CCDC102B: variants seen among roughly 807,000 people sequenced by gnomAD.
The protein encoded by CCDC102B is coiled-coil domain-containing protein 102B.
CCDC102B carries 75 observed loss-of-function variants against 57.4 expected under a neutral mutation model. The ratio of observed to expected loss-of-function variants is 1.31; its 90% CI spans 1.08 to 1.58. The LOEUF is 1.58. CCDC102B is among the 40% of genes most tolerant of loss of function. CCDC102B has a pLI of 0.00. For synonymous variants in CCDC102B, 206 were observed against 201.9 expected, an observed-to-expected ratio of 1.02 and a Z score of -0.17; for missense variants, 636 against 582.6, an observed-to-expected ratio of 1.09 and a Z score of -0.94.
At chr18:68,748,419 GTGC>G (rs1360694866) in intron 2 of CCDC102B, among the ~76,000 whole-genome samples, 4 of 152,084 alleles carry the variant, frequency 2.6e-5, no homozygotes, top group African/African-American at 4.8e-5. Context: ...AACAGGATGA[GTGC>G]TAGGCATCCA....
chr18:68,748,208 G>GTT (rs1568230288), intron 2 of CCDC102B, among the ~76,000 whole-genome samples: 69 of 16,728 alleles, frequency 4.1e-3, no homozygotes, highest in East Asian at 0.014. Context: ...TTAAACTGGT[G>GTT]TGTGTGTGTG....
chr18:68,913,199 A>G (rs1026838068), intron 6 of CCDC102B, among the ~76,000 whole-genome samples: 10 of 152,144 alleles, frequency 6.6e-5, no homozygotes, highest in Admixed American at 2.6e-4. Context: ...AATTCTCTCT[A>G]AATTACAGAA....
chr18:68,930,928 C>A (rs899980600), intron 6 of CCDC102B, among the ~76,000 whole-genome samples: 2 of 150,432 alleles, frequency 1.3e-5, no homozygotes, highest in Non-Finnish European at 3.0e-5. Context: ...TTTTTTTTTT[C>A]AAATGAGCAC....
chr18:68,889,445 G>A (rs1342919703), intron 5 of CCDC102B, among the ~76,000 whole-genome samples: 1 of 152,140 alleles, frequency 6.6e-6, no homozygotes, highest in Non-Finnish European at 1.5e-5. Context: ...TTGAGATGGA[G>A]TTTCGCTCTT....
chr18:68,828,319 T>TAAAAA (rs2036991132), intron 1 of CCDC102B, among the ~76,000 whole-genome samples: 1 of 35,940 alleles, frequency 2.8e-5, no homozygotes, highest in Non-Finnish European at 6.4e-5. Context: ...CATACCCTAT[T>TAAAAA]TACAAAAAAA....
intron 7 of CCDC102B, among the ~76,000 whole-genome samples, chr18:69,041,372 G>A (rs1034002710): frequency 2.0e-5 from 3 of 151,880 alleles, no homozygotes; most frequent in African/African-American, 7.3e-5. Context: ...TTGCACTTAT[G>A]GTTAACATGA....
intron 4 of CCDC102B, among the ~76,000 whole-genome samples, chr18:68,869,356 C>T (rs542322516): frequency 6.6e-6 from 1 of 152,156 alleles, no homozygotes; most frequent in African/African-American, 2.4e-5. Flanking sequence ...TTGCATAAGC[C>T]CAAGGAAGAG....
chr18:69,044,740 G>C (rs2052517358), intron 7 of CCDC102B, among the ~76,000 whole-genome samples: 1 of 150,144 alleles, frequency 6.7e-6, no homozygotes, highest in South Asian at 2.1e-4. Context: ...AACAGTAACA[G>C]TTGGGAACCA....
intron 1 of CCDC102B, among the ~76,000 whole-genome samples, chr18:68,824,432 A>G (rs2036824747): frequency 6.6e-6 from 1 of 152,224 alleles, no homozygotes. Flanking sequence ...TTTTCTAAGT[A>G]TAGAATCATA....
At chr18:68,947,368 A>G (rs1372291358) in intron 6 of CCDC102B, among the ~76,000 whole-genome samples, 1 of 152,118 alleles carries the variant, frequency 6.6e-6, no homozygotes, top group Non-Finnish European at 1.5e-5. Context: ...CAATATTCCC[A>G]GTACTTACAT....
At chr18:68,826,899 T>A (rs946463133) in intron 1 of CCDC102B, among the ~76,000 whole-genome samples, 3 of 152,170 alleles carry the variant, frequency 2.0e-5, no homozygotes, top group Admixed American at 2.0e-4. Context: ...AAGATTTATA[T>A]GCCATAGTAT....
At chr18:68,827,041 GA>G (rs1370936916) in intron 1 of CCDC102B, among the ~76,000 whole-genome samples, 2 of 150,542 alleles carry the variant, frequency 1.3e-5, no homozygotes, top group African/African-American at 4.9e-5. Flanking sequence ...TTTAAGTGTT[GA>G]AAAAAAAATC....
chr18:68,853,628 C>T (rs1192073106), intron 4 of CCDC102B, among the ~76,000 whole-genome samples: 1 of 126,592 alleles, frequency 7.9e-6, no homozygotes, highest in Admixed American at 9.4e-5. Flanking sequence ...TTTCTCATTT[C>T]AAATATTTAC....
At chr18:68,810,680 G>GTTTTTTTTTTTTTTTTTTTTT (rs61714863) in intron 1 of CCDC102B, among the ~76,000 whole-genome samples, 1 of 77,042 alleles carries the variant, frequency 1.3e-5, no homozygotes, top group Non-Finnish European at 2.4e-5. Flanking sequence ...TCTTTTCTTT[G>GTTTTTTTTTTTTTTTTTTTTT]TTTTTTTTTT....
At chr18:68,878,123 GTC>G (rs2039522455) in intron 5 of CCDC102B, among the ~76,000 whole-genome samples, 1 of 152,116 alleles carries the variant, frequency 6.6e-6, no homozygotes, top group South Asian at 2.1e-4. Flanking sequence ...TGGAGATAGG[GTC>G]TCACTCTGTC....
intron 7 of CCDC102B, among the ~76,000 whole-genome samples, chr18:69,037,588 A>G (rs907401702): frequency 3.9e-5 from 6 of 152,020 alleles, no homozygotes; most frequent in Non-Finnish European, 7.4e-5. Context: ...TTTTCATTGT[A>G]TCAGCATCCT....
intron 2 of CCDC102B, among the ~76,000 whole-genome samples, chr18:68,837,903 G>T (rs2037455803): frequency 6.6e-6 from 1 of 152,130 alleles, no homozygotes; most frequent in Admixed American, 6.5e-5. Context: ...ACAGATGATT[G>T]CAATGCTCAT....
At chr18:68,957,136 G>A (rs879935561) in intron 6 of CCDC102B, among the ~76,000 whole-genome samples, 6 of 151,856 alleles carry the variant, frequency 4.0e-5, no homozygotes, top group Non-Finnish European at 8.8e-5. Context: ...TTAACTTGAT[G>A]TGATCTCATT....
At chr18:68,885,873 T>G (rs1346434771) in intron 5 of CCDC102B, among the ~76,000 whole-genome samples, 2 of 152,026 alleles carry the variant, frequency 1.3e-5, no homozygotes, top group Non-Finnish European at 2.9e-5. Flanking sequence ...GACACTCATA[T>G]TATGTTCTGA....
Sources: allele counts gnomAD v4.1 joint callset (sites outside exome capture counted in the v4.1 genomes callset), GRCh38; gene constraint gnomAD v4.1.1; transcripts MANE v1.5; gene names NCBI Gene and HGNC (gene_info 2026-07-23, HGNC 2026-07-21).